The following CDH13 variants were observed in gnomAD, a reference collection of about 807,000 sequenced individuals.
The protein encoded by CDH13 is cadherin 13.
CDH13 carries 24 observed loss-of-function variants against 63.8 expected under a neutral mutation model. The observed-to-expected ratio is 0.38, with a 90% confidence interval of 0.27 to 0.53. CDH13 has a LOEUF of 0.53. Ranked by LOEUF, CDH13 falls within the 20% of genes least tolerant of loss-of-function variation. The pLI is 0.85. For missense variants in CDH13, 1,049 were observed against 903.1 expected (o/e 1.16, Z -2.07); for synonymous variants, 503 against 355.3 (o/e 1.42, Z -4.67).
intron 8 of CDH13, 77 bp from the exon 9 acceptor site, chr16:83,670,713 C>T (rs1914424688): frequency 8.0e-7 from 1 of 1,251,444 alleles, no homozygotes; most frequent in Non-Finnish European, 1.2e-6. Flanking sequence ...ATGTGTGTAA[C>T]ATACCCAATG....
intron 8 of CDH13, chr16:83,655,170 C>G (rs1171600828): frequency 6.6e-6 from 1 of 152,260 alleles, no homozygotes; most frequent in East Asian, 1.9e-4. Flanking sequence ...AAATCTCTCA[C>G]CTTGATTCCC....
At chr16:83,345,567 C>G (rs1305080386) in intron 6 of CDH13, among the ~76,000 whole-genome samples, 1 of 152,158 alleles carries the variant, frequency 6.6e-6, no homozygotes, top group Non-Finnish European at 1.5e-5. Context: ...AGAAGTCACT[C>G]AAGGTTACTA....
At chr16:83,317,699 C>T (rs138595254) in intron 5 of CDH13, among the ~76,000 whole-genome samples, 1,802 of 151,970 alleles carry the variant, frequency 0.012, 17 homozygotes, top group Admixed American at 0.02. Context: ...ACTTGGGAGG[C>T]TGAGGCAGGA....
chr16:83,250,013 A>T (rs1395475176), intron 5 of CDH13, among the ~76,000 whole-genome samples: 1 of 152,200 alleles, frequency 6.6e-6, no homozygotes, highest in Non-Finnish European at 1.5e-5. Flanking sequence ...TTGCAATAGG[A>T]GTGTAATGAG....
intron 3 of CDH13, among the ~76,000 whole-genome samples, chr16:83,118,269 G>T (rs752305007): frequency 6.6e-6 from 1 of 152,164 alleles, no homozygotes; most frequent in East Asian, 1.9e-4. Context: ...TGAGGGGATT[G>T]TGTTCAGCAC....
intron 8 of CDH13, among the ~76,000 whole-genome samples, chr16:83,661,915 G>T (rs1372893393): frequency 1.3e-5 from 2 of 152,190 alleles, no homozygotes; most frequent in African/African-American, 2.4e-5. Context: ...TCATTCCCCA[G>T]CACCTGTAGA....
At chr16:82,774,119 G>A (rs536856062) in intron 1 of CDH13, among the ~76,000 whole-genome samples, 35 of 148,076 alleles carry the variant, frequency 2.4e-4, no homozygotes, top group Admixed American at 1.9e-3. Flanking sequence ...ACTCATCATT[G>A]GAATTCTCTT....
chr16:83,578,094 C>T (rs1219837149), intron 7 of CDH13, among the ~76,000 whole-genome samples: 1 of 152,182 alleles, frequency 6.6e-6, no homozygotes, highest in African/African-American at 2.4e-5. Context: ...GCTTAAACAG[C>T]AGCAATCTTC....
intron 4 of CDH13, among the ~76,000 whole-genome samples, chr16:83,162,276 G>A (rs772437934): frequency 1.3e-5 from 2 of 152,032 alleles, no homozygotes; most frequent in African/African-American, 4.8e-5. Flanking sequence ...ACCATCATTA[G>A]CATCTTGTCG....
intron 4 of CDH13, among the ~76,000 whole-genome samples, chr16:83,134,309 C>T (rs1487218582): frequency 6.6e-6 from 1 of 152,148 alleles, no homozygotes; most frequent in East Asian, 1.9e-4. Flanking sequence ...TCTGCCTCAG[C>T]TTCCCAAGTA....
chr16:83,725,271 G>T (rs16961460), intron 10 of CDH13, among the ~76,000 whole-genome samples: 1 of 152,130 alleles, frequency 6.6e-6, no homozygotes, highest in Non-Finnish European at 1.5e-5. Flanking sequence ...AGCTAGATCC[G>T]TTCACTCAAC....
At chr16:83,748,511 G>A (rs2150972212) in intron 11 of CDH13, among the ~76,000 whole-genome samples, 1 of 152,282 alleles carries the variant, frequency 6.6e-6, no homozygotes, top group East Asian at 1.9e-4. Context: ...TCTTGGGCAG[G>A]CGTGGAGGTT....
intron 6 of CDH13, among the ~76,000 whole-genome samples, chr16:83,356,230 GTGTGTGTGT>G (rs1567613781): frequency 0.015 from 1,326 of 88,502 alleles, 21 homozygotes; most frequent in African/African-American, 0.084. Flanking sequence ...GTGTGTGTGT[GTGTGTGTGT>G]GTGTGTGTGT....
chr16:83,447,068 A>T (rs28376615), intron 6 of CDH13, among the ~76,000 whole-genome samples: 1 of 133,432 alleles, frequency 7.5e-6, no homozygotes, highest in South Asian at 2.2e-4. Flanking sequence ...AAAAAAAAAA[A>T]AAAAAACAAA....
chr16:83,212,255 C>G (rs1045450171), intron 4 of CDH13, among the ~76,000 whole-genome samples: 4 of 142,650 alleles, frequency 2.8e-5, no homozygotes, highest in African/African-American at 1.2e-4. Context: ...CATTGCATAC[C>G]TCCCATCCCC....
intron 8 of CDH13, among the ~76,000 whole-genome samples, chr16:83,607,160 G>A (rs574935353): frequency 5.3e-5 from 8 of 152,310 alleles, no homozygotes; most frequent in African/African-American, 1.4e-4. Context: ...GCTCACACCT[G>A]TAATCCCAGC....
intron 11 of CDH13, among the ~76,000 whole-genome samples, chr16:83,751,248 A>G (rs997332649): frequency 1.3e-5 from 2 of 152,226 alleles, no homozygotes; most frequent in African/African-American, 2.4e-5. Flanking sequence ...ATGCTATGCC[A>G]TGGACTTTGG....
chr16:83,041,060 T>C (rs1917290308), intron 3 of CDH13, among the ~76,000 whole-genome samples: 2 of 152,156 alleles, frequency 1.3e-5, no homozygotes, highest in Admixed American at 6.5e-5. Flanking sequence ...TTTCTACAGG[T>C]CCACTTAACA....
intron 4 of CDH13, among the ~76,000 whole-genome samples, chr16:83,136,391 CAGG>C (rs1009437870): frequency 1.0e-4 from 15 of 148,138 alleles, no homozygotes; most frequent in African/African-American, 3.8e-4. Flanking sequence ...GAGGCTGAGG[CAGG>C]AGAATGGCGT....
Sources: gnomAD v4.1 joint callset for allele counts (sites outside exome capture counted in the v4.1 genomes callset) on GRCh38, gnomAD v4.1.1 for gene constraint, MANE v1.5 for transcripts, NCBI Gene and HGNC (gene_info 2026-07-23, HGNC 2026-07-21) for gene names.